The following PCDH11X variants were observed in gnomAD, a reference collection of about 807,000 sequenced individuals.
PCDH11X encodes protocadherin 11 X-linked, also known as protocadherin-11 X-linked.
Under a neutral mutation model 53.3 loss-of-function variants are expected in PCDH11X, and 18 were observed. That is an observed-to-expected ratio of 0.34 (90% CI 0.23 to 0.50). The LOEUF is 0.50. Among genes scored for constraint, PCDH11X ranks in the 20% least tolerant of loss-of-function variants. The pLI, the probability that PCDH11X is intolerant of heterozygous loss-of-function variation, is 0.98. For missense variants in PCDH11X, 570 were observed against 1,032.4 expected (o/e 0.55, Z 6.14); for synonymous variants, 279 against 393.3 (o/e 0.71, Z 3.44).
chrX:92,219,575 A>G (rs1194986396), intron 7 of PCDH11X, among the ~76,000 whole-genome samples: 1 of 105,653 alleles, frequency 9.5e-6, no homozygotes, highest in Non-Finnish European at 2.0e-5. Context: ...AGAACATTCC[A>G]TGCTCATGGG....
At position 91,793,114 on chromosome X, in the gene PCDH11X, A is replaced by AT. The variant is rs978794490; in HGVS notation, c.-379+13438dup. 3.6e-4 allele frequency among the ~76,000 whole-genome samples: 38 copies of AT among 105,128 alleles called. 1 individual carries two copies. In the East Asian group the frequency reaches 9.8e-3, roughly 27 times the overall value. 91.3% of individuals were successfully genotyped at this position (105,128 alleles called of 115,157 possible). On this transcript the variant is annotated intron_variant, in intron 1 of 10. Coordinates refer to ENST00000682573, the MANE Select transcript of PCDH11X (RefSeq NM_032968.5). The stretch of plus-strand genomic sequence containing the variant: ...ATTGCATTTTAGGGTACTCTGGCAG[A>AT]TTTTTTTTCATCTGAATCTCACAAC...
intron 6 of PCDH11X, among the ~76,000 whole-genome samples, chrX:92,070,371 G>C (rs2063681359): frequency 9.0e-6 from 1 of 111,283 alleles, no homozygotes; most frequent in African/African-American, 3.3e-5. Flanking sequence ...AATCCCTCAG[G>C]TTTTGGTTGT....
chrX:92,038,045 T>C (rs1396278874), intron 6 of PCDH11X, among the ~76,000 whole-genome samples: 1 of 110,229 alleles, frequency 9.1e-6, no homozygotes, highest in Non-Finnish European at 1.9e-5. Context: ...TCATTCAAGA[T>C]GTGACTTGGG....
chrX:91,974,168 TA>T (rs1473542547), intron 6 of PCDH11X, among the ~76,000 whole-genome samples: 64 of 111,646 alleles, frequency 5.7e-4, no homozygotes, highest in African/African-American at 1.9e-3. Flanking sequence ...ATCCATGATT[TA>T]TTTTTATTAA....
intron 10 of PCDH11X, among the ~76,000 whole-genome samples, chrX:92,581,238 AC>A (rs1490566576): frequency 9.0e-6 from 1 of 111,675 alleles, no homozygotes; most frequent in Non-Finnish European, 1.9e-5. Context: ...TAGAATATGC[AC>A]CTTTTTTTAA....
chrX:92,126,909 A>G (rs2064877521), intron 6 of PCDH11X, among the ~76,000 whole-genome samples: 1 of 106,854 alleles, frequency 9.4e-6, no homozygotes, highest in Admixed American at 1.0e-4. Flanking sequence ...ATGGAAGCTG[A>G]TTTTTGTTGC....
chrX:92,527,159 T>C (rs2074469411), intron 10 of PCDH11X, among the ~76,000 whole-genome samples: 1 of 111,464 alleles, frequency 9.0e-6, no homozygotes, highest in Non-Finnish European at 1.9e-5. Context: ...AGATGGTTAA[T>C]GGGCCCAAAA....
At chrX:92,336,618 T>A (rs1348778272) in intron 8 of PCDH11X, among the ~76,000 whole-genome samples, 1 of 111,605 alleles carries the variant, frequency 9.0e-6, no homozygotes, top group Non-Finnish European at 1.9e-5. Flanking sequence ...ATCCATTGAT[T>A]TTTGCCACAT....
chrX:92,518,724 C>T (rs1481165515), intron 10 of PCDH11X, among the ~76,000 whole-genome samples: 3 of 104,863 alleles, frequency 2.9e-5, no homozygotes, highest in Middle Eastern at 4.8e-3. Context: ...TTGCAGGGAA[C>T]ATTCACTATG....
intron 9 of PCDH11X, among the ~76,000 whole-genome samples, chrX:92,444,430 T>C: frequency 1.0e-5 from 1 of 98,809 alleles, no homozygotes. Flanking sequence ...CAGGAACTTT[T>C]TGACAGAGTC....
intron 9 of PCDH11X, among the ~76,000 whole-genome samples, chrX:92,452,606 A>G (rs79577625): frequency 0.3 from 27,826 of 92,530 alleles, 4,014 homozygotes; most frequent in Middle Eastern, 0.35. Flanking sequence ...CAAGCAATTC[A>G]CCTGTCTCAG....
At chrX:91,895,368 G>A (rs1396377305) in intron 6 of PCDH11X, among the ~76,000 whole-genome samples, 1 of 111,455 alleles carries the variant, frequency 9.0e-6, no homozygotes, top group Non-Finnish European at 1.9e-5. Flanking sequence ...AAGAGATTGA[G>A]ACAGGGAGAG....
intron 8 of PCDH11X, among the ~76,000 whole-genome samples, chrX:92,383,764 T>C (rs1168319349): frequency 8.9e-6 from 1 of 112,006 alleles, no homozygotes; most frequent in Non-Finnish European, 1.9e-5. Flanking sequence ...TTTGCTATTG[T>C]GAACAGTGCC....
chrX:92,290,811 C>T (rs1346394602), intron 8 of PCDH11X, among the ~76,000 whole-genome samples: 1 of 103,285 alleles, frequency 9.7e-6, no homozygotes, highest in Non-Finnish European at 2.0e-5. Flanking sequence ...TTTTAAGTAA[C>T]AAGATTTATA....
At chrX:92,014,085 A>C (rs2062744787) in intron 6 of PCDH11X, among the ~76,000 whole-genome samples, 1 of 111,587 alleles carries the variant, frequency 9.0e-6, no homozygotes, top group South Asian at 3.8e-4. Context: ...CTACCATCAG[A>C]GTGAACAGGC....
intron 6 of PCDH11X, among the ~76,000 whole-genome samples, chrX:91,914,413 T>A (rs1468435597): frequency 9.0e-6 from 1 of 111,051 alleles, no homozygotes; most frequent in African/African-American, 3.3e-5. Context: ...ATCTCTGAAT[T>A]GCCAGATAAA....
intron 8 of PCDH11X, among the ~76,000 whole-genome samples, chrX:92,275,880 A>C (rs1372969009): frequency 9.1e-6 from 1 of 110,334 alleles, no homozygotes; most frequent in Non-Finnish European, 1.9e-5. Context: ...TCAGTCCCGA[A>C]GGAAGGAGTA....
intron 9 of PCDH11X, among the ~76,000 whole-genome samples, chrX:92,409,611 G>C (rs1406569371): frequency 8.9e-6 from 1 of 112,080 alleles, no homozygotes; most frequent in East Asian, 2.8e-4. Flanking sequence ...GCTATGAAAT[G>C]TTTTTCTTCC....
intron 8 of PCDH11X, among the ~76,000 whole-genome samples, chrX:92,290,906 T>G: frequency 1.1e-5 from 1 of 87,736 alleles, no homozygotes; most frequent in Non-Finnish European, 2.1e-5. Context: ...TTCTTTTGTC[T>G]TTTTTTTTTT....
Sources: gnomAD v4.1 joint callset for allele counts (sites outside exome capture counted in the v4.1 genomes callset) on GRCh38, gnomAD v4.1.1 for gene constraint, MANE v1.5 for transcripts, NCBI Gene and HGNC (gene_info 2026-07-23, HGNC 2026-07-21) for gene names.